ZFHX3: variants seen among roughly 807,000 people sequenced by gnomAD.
The protein encoded by ZFHX3 is zinc finger homeobox protein 3.
In ZFHX3, 42 loss-of-function variants were observed where a neutral mutation model predicts 279.1. The observed-to-expected ratio is 0.15, with a 90% CI of 0.12 to 0.19. The LOEUF is 0.19. Among genes scored for constraint, ZFHX3 ranks in the 10% least tolerant of loss-of-function variants. The probability of loss-of-function intolerance (pLI) is 1.00; values close to 1 mark genes in which losing one functional copy is unlikely to be tolerated. For synonymous variants in ZFHX3, 2,293 were observed against 1,957.8 expected, an observed-to-expected ratio of 1.17 and a Z score of -4.52; for missense variants, 4,981 against 4,754.0, an observed-to-expected ratio of 1.05 and a Z score of -1.40.
chr16:73,158,958 C>T (rs1967161056), intron 5 of ZFHX3, among the ~76,000 whole-genome samples: 1 of 152,182 alleles, frequency 6.6e-6, no homozygotes, highest in East Asian at 1.9e-4. Flanking sequence ...AAATGTAAAA[C>T]TCAAAACCAT....
At chr16:73,662,921 GAT>G (rs1432280765) in intron 2 of ZFHX3, among the ~76,000 whole-genome samples, 2 of 152,092 alleles carry the variant, frequency 1.3e-5, no homozygotes, top group African/African-American at 4.8e-5. Flanking sequence ...TCTTCTTTAA[GAT>G]ATAAATGCAG....
At chr16:73,300,122 T>C (rs2015017217) in intron 4 of ZFHX3, among the ~76,000 whole-genome samples, 1 of 152,106 alleles carries the variant, frequency 6.6e-6, no homozygotes, top group Admixed American at 6.5e-5. Flanking sequence ...CAGCTGGGCA[T>C]GGTGGTGTGC....
intron 4 of ZFHX3, among the ~76,000 whole-genome samples, chr16:72,860,872 T>C (rs1391063979): frequency 1.3e-5 from 2 of 152,254 alleles, no homozygotes; most frequent in Non-Finnish European, 2.9e-5. Flanking sequence ...GCTGTTCCTC[T>C]GACAGCTCTC....
rs146073416 is a variant in ZFHX3, at chr16:72,889,754, C to T, written c.3425G>A (p.Arg1142His). Residue 1142 changes from arginine to histidine, a missense_variant, in exon 4 of 10, where the codon CGC becomes CAC. Arg to His is a conservative substitution (Grantham distance 29). Around this residue, in one of 7 missense-constraint regions of ZFHX3, gnomAD observed 1,751 missense variants for 1,770.0 expected, o/e 0.99. Transcript: ENST00000268489. ...DEDLGQIFTIRRCPSTDPEEA... is the reference protein window; with the variant it reads ...DEDLGQIFTIHRCPSTDPEEA... ...ACCTGGGTCCGTGGAGGGGCACCTG[C>T]GGATGGTGAAGATCTGCCCCAGGTC... 12 of 1,612,514 alleles carry T rather than the reference C, an allele frequency of 7.4e-6. No homozygotes were observed. The highest frequency in any genetic ancestry group is 2.1e-4 in the Middle Eastern group (1 of 4,856).
At chr16:73,196,878 G>A (rs528546848) in intron 5 of ZFHX3, among the ~76,000 whole-genome samples, 3 of 152,286 alleles carry the variant, frequency 2.0e-5, no homozygotes, top group Admixed American at 2.0e-4. Flanking sequence ...TTCCTTGGAT[G>A]AGCAGGGAGC....
intron 2 of ZFHX3, among the ~76,000 whole-genome samples, chr16:73,460,520 G>T (rs749420124): frequency 1.2e-4 from 18 of 152,114 alleles, no homozygotes; most frequent in Admixed American, 7.2e-4. Flanking sequence ...TGGTGTAATT[G>T]CTTGTTGTTG....
At chr16:72,910,764 A>T (rs1447848843) in intron 3 of ZFHX3, among the ~76,000 whole-genome samples, 1 of 152,234 alleles carries the variant, frequency 6.6e-6, no homozygotes. Context: ...AATTTCCCAT[A>T]CAATCAAGAT....
At chr16:73,631,257 A>G (rs1567537638) in intron 2 of ZFHX3, among the ~76,000 whole-genome samples, 1 of 152,226 alleles carries the variant, frequency 6.6e-6, no homozygotes, top group Non-Finnish European at 1.5e-5. Context: ...TTACCTGAGA[A>G]TATTAATTCC....
intron 5 of ZFHX3, among the ~76,000 whole-genome samples, chr16:73,178,178 C>T (rs1967709007): frequency 6.6e-6 from 1 of 151,922 alleles, no homozygotes; most frequent in Admixed American, 6.6e-5. Context: ...GAGACAGGGT[C>T]TCACTCCGGA....
At chr16:72,867,877 G>C (rs1200285715) in intron 4 of ZFHX3, among the ~76,000 whole-genome samples, 1 of 152,174 alleles carries the variant, frequency 6.6e-6, no homozygotes, top group East Asian at 1.9e-4. Context: ...CACTGAAAAG[G>C]GTGTTTGTGG....
At position 72,784,052 on chromosome 16, in the gene ZFHX3, A is replaced by G. The variant is rs2035240418; in HGVS notation, c.*3112T>C. The G allele has an allele frequency of 6.6e-6, 1 of 152,534 alleles. No homozygotes were observed. The highest frequency in any genetic ancestry group is 1.9e-4 in the East Asian group (1 of 5,194). 9.4% of individuals were successfully genotyped at this position (152,534 alleles called of 1,614,324 possible). ...ATATATGTGGGCGGTTTAGTTGCAG[A>G]GGAAAGCATTAAGGGTGCAACCCAC... On this transcript the variant is annotated 3_prime_UTR_variant, in exon 10 of 10. Coordinates refer to ENST00000268489, the MANE Select transcript of ZFHX3 (RefSeq NM_006885.4).
intron 2 of ZFHX3, among the ~76,000 whole-genome samples, chr16:73,618,177 G>C (rs1340031646): frequency 6.6e-6 from 1 of 152,092 alleles, no homozygotes; most frequent in Non-Finnish European, 1.5e-5. Context: ...CAACATTCAG[G>C]GCAGTTCCTC....
rs149181836 is a variant in ZFHX3, at chr16:73,478,818, C to T, written c.-1546-22560G>A. Among the ~76,000 whole-genome samples the T allele has an allele frequency of 8.3e-4, 127 of 152,142 alleles. 1 individual carries two copies. The East Asian group carries it at 0.024, about 29-fold the overall frequency. Reference sequence around the variant, plus strand: ...CTGTAATCCCAGCACTTTGGGAGGCCCAGGCAGGAGGATCACAAGGTCAGG... The same window carrying T: ...CTGTAATCCCAGCACTTTGGGAGGCTCAGGCAGGAGGATCACAAGGTCAGG... On this transcript the variant is annotated intron_variant, in intron 2 of 17. Coordinates refer to the ZFHX3 transcript ENST00000641206.
intron 4 of ZFHX3, among the ~76,000 whole-genome samples, chr16:73,311,229 G>T (rs867893353): frequency 5.3e-5 from 8 of 151,110 alleles, no homozygotes; most frequent in Non-Finnish European, 7.4e-5. Context: ...GAGAGACTTC[G>T]TCTCCCTCCA....
exon 1 of ZFHX3, chr16:73,058,656 G>T: frequency 4.2e-6 from 1 of 240,188 alleles, no homozygotes; most frequent in Non-Finnish European, 7.8e-6. Flanking sequence ...AGGCAGCAGC[G>T]GCGGCTGGCG....
rs2016232361 is a variant in ZFHX3, at chr16:73,351,054, G to A, written c.-1290-32718C>T. ...AGGGAAGTGACACTGGTGGCATTTG[G>A]CGTTAACTGTCCAAGAATACGTAAG... On this transcript the variant is annotated intron_variant, in intron 3 of 17. Transcript: ENST00000641206. 2.6e-5 allele frequency among the ~76,000 whole-genome samples: 4 copies of A among 152,176 alleles called. No homozygotes were observed. The South Asian group carries it at 8.3e-4, about 32-fold the overall frequency.
chr16:73,641,865 G>A (rs961326925), intron 2 of ZFHX3, among the ~76,000 whole-genome samples: 1 of 152,080 alleles, frequency 6.6e-6, no homozygotes, highest in Non-Finnish European at 1.5e-5. Context: ...TACAAAAATA[G>A]AAATTAGTAA....
chr16:73,724,900 C>T (rs2053505300), intron 1 of ZFHX3, among the ~76,000 whole-genome samples: 1 of 152,194 alleles, frequency 6.6e-6, no homozygotes, highest in Non-Finnish European at 1.5e-5. Flanking sequence ...TGGGGGATGC[C>T]TCATTGAAAT....
chr16:73,127,458 G>A (rs1341270270), intron 7 of ZFHX3: 14 of 1,305,338 alleles, frequency 1.1e-5, no homozygotes, highest in Middle Eastern at 2.1e-4. Context: ...GACATCAAGC[G>A]AGAGCCGGGC....
Sources: gnomAD v4.1 joint callset for allele counts (sites outside exome capture counted in the v4.1 genomes callset) on GRCh38, gnomAD v4.1.1 for gene constraint, gnomAD v4.1.1 regional missense constraint, MANE v1.5 for transcripts, NCBI Gene and HGNC (gene_info 2026-07-23, HGNC 2026-07-21) for gene names.